The following SYT13 variants were observed in gnomAD, a reference collection of about 807,000 sequenced individuals.
The protein encoded by SYT13 is synaptotagmin 13.
In SYT13, 21 loss-of-function variants were observed where a neutral mutation model predicts 38.6. That is an observed-to-expected ratio of 0.54 (90% CI 0.39 to 0.78). The LOEUF (loss-of-function observed/expected upper bound fraction) is 0.78, where lower values mean the gene tolerates loss of function less well. Ranked by LOEUF, SYT13 falls within the 30% of genes least tolerant of loss-of-function variation. The pLI is 0.00. For missense variants in SYT13, 495 were observed against 548.7 expected, an observed-to-expected ratio of 0.90 and a Z score of 0.98; for synonymous variants, 241 against 237.6, an observed-to-expected ratio of 1.01 and a Z score of -0.13.
intron 1 of SYT13, among the ~76,000 whole-genome samples, chr11:45,285,362 T>C (rs953927546): frequency 2.0e-5 from 3 of 152,222 alleles, no homozygotes; most frequent in Non-Finnish European, 2.9e-5. Flanking sequence ...CAGAGACATC[T>C]TGGGGGAGGC....
intron 3 of SYT13, chr11:45,253,745 C>A (rs1356687735): frequency 1.3e-5 from 2 of 152,170 alleles, no homozygotes; most frequent in Non-Finnish European, 2.9e-5. Context: ...ATTTCAAATT[C>A]ATCTATGGCA....
chr11:45,261,693 C>T (rs971986336), intron 1 of SYT13, among the ~76,000 whole-genome samples: 12 of 152,008 alleles, frequency 7.9e-5, no homozygotes, highest in African/African-American at 2.9e-4. Context: ...AATCAGGTGA[C>T]TTACTTGAGG....
In SYT13 at chr11:45,244,194, C is replaced by T. The variant is rs781660259; in HGVS notation, c.1139G>A (p.Gly380Asp). Reference protein sequence around the residue: ...QASSVELEVLGQDDSGQSCAL... With the variant: ...QASSVELEVLDQDDSGQSCAL... ...ACAGCTCTGCCCTGAATCGTCCTGG[C>T]CCAGCACTTCCAGCTCCACACTGGA... The change falls in exon 6 of 6, where the codon GGC becomes GAC. Residue 380 changes from glycine (G) to aspartate (D), a missense_variant. By Grantham distance (94) the Gly-to-Asp change is moderately conservative (BLOSUM62 -1). Transcript: ENST00000020926. The T allele has an allele frequency of 1.9e-6, 3 of 1,613,998 alleles. No homozygotes were observed. The highest frequency in any genetic ancestry group is 2.5e-6 in the Non-Finnish European group (3 of 1,180,040).
rs189430580 is a variant in SYT13 at position 45,283,364 on chromosome 11, T to G, written c.183+2661A>C. Among the ~76,000 whole-genome samples, 237 of 152,270 alleles carry G rather than the reference T, an allele frequency of 1.6e-3. 1 individual carries two copies. The highest frequency in any genetic ancestry group is 5.6e-3 in the African/African-American group (231 of 41,552). The stretch of plus-strand genomic sequence containing the variant: ...TGATTACAGTCATCTAGACCCCTAT[T>G]TTCCAGCCTCCATACCTTCTTTCCT... On this transcript the variant is annotated intron_variant, in intron 1 of 5. Coordinates refer to ENST00000020926, the MANE Select transcript of SYT13 (RefSeq NM_020826.3).
chr11:45,248,718 C>T (rs1306597354), intron 4 of SYT13, among the ~76,000 whole-genome samples: 1 of 152,182 alleles, frequency 6.6e-6, no homozygotes, highest in Non-Finnish European at 1.5e-5. Flanking sequence ...CACAGGTAGC[C>T]CGGGCTATAG....
intron 5 of SYT13, among the ~76,000 whole-genome samples, chr11:45,246,158 G>A (rs1335010666): frequency 6.6e-6 from 1 of 152,196 alleles, no homozygotes; most frequent in African/African-American, 2.4e-5. Context: ...CTAATGGATG[G>A]GATTGATCCA....
intron 1 of SYT13, among the ~76,000 whole-genome samples, chr11:45,283,040 T>C (rs1418375509): frequency 2.0e-5 from 3 of 152,024 alleles, no homozygotes; most frequent in Non-Finnish European, 4.4e-5. Flanking sequence ...CCCAGCTACA[T>C]GGGAGGCTGA....
At chr11:45,246,542 A>G (rs1590506546) in intron 4 of SYT13, 30 bp from the exon 5 acceptor site, 5 of 1,611,174 alleles carry the variant, frequency 3.1e-6, no homozygotes, top group Non-Finnish European at 4.2e-6. Context: ...GCAGGAGGGG[A>G]GTCTCACCTG....
At chr11:45,283,576 A>C (rs529191470) in intron 1 of SYT13, among the ~76,000 whole-genome samples, 1 of 152,344 alleles carries the variant, frequency 6.6e-6, no homozygotes, top group African/African-American at 2.4e-5. Flanking sequence ...TCTGAGAACA[A>C]CAGCAACCAA....
intron 1 of SYT13, among the ~76,000 whole-genome samples, chr11:45,280,734 C>G (rs1855061512): frequency 6.6e-6 from 1 of 152,204 alleles, no homozygotes; most frequent in Non-Finnish European, 1.5e-5. Flanking sequence ...AGTATGCACT[C>G]CTTTGTGTCT....
chr11:45,282,587 A>G (rs982729181), intron 1 of SYT13, among the ~76,000 whole-genome samples: 7 of 152,232 alleles, frequency 4.6e-5, no homozygotes, highest in Non-Finnish European at 1.0e-4. Flanking sequence ...AAGTACCATA[A>G]TTTAGAATGA....
rs898391222 is a variant in SYT13, at chr11:45,286,254, C to T, written c.-47G>A. 45 of 1,481,006 alleles carry T rather than the reference C, an allele frequency of 3.0e-5. No individual in the cohort carries two copies. In the Admixed American group the frequency reaches 9.4e-4, roughly 31 times the overall value. 91.7% of individuals were successfully genotyped at this position (1,481,006 alleles called of 1,614,324 possible). A position where few individuals can be genotyped will look rare whatever the true frequency, so the allele number is the denominator to read the frequency against. On this transcript the variant is annotated 5_prime_UTR_variant, in exon 1 of 6. Transcript: ENST00000020926. ...GCTGGGTCCCGCAGCCGCTCACCTT[C>T]CCCGGGCCGGGCCCGCCTCCAGGCA...
chr11:45,263,047 C>T (rs1259395654), intron 1 of SYT13, among the ~76,000 whole-genome samples: 2 of 152,178 alleles, frequency 1.3e-5, no homozygotes, highest in African/African-American at 4.8e-5. Context: ...GTCCTCTCTC[C>T]TCCCAGGCCC....
intron 1 of SYT13, among the ~76,000 whole-genome samples, chr11:45,277,297 G>T (rs1855021962): frequency 6.6e-6 from 1 of 152,194 alleles, no homozygotes; most frequent in African/African-American, 2.4e-5. Context: ...TTTAGAACTA[G>T]GTGGAGGTAG....
chr11:45,255,633 C>T, intron 2 of SYT13, 33 bp downstream of exon 2: 1 of 1,597,376 alleles, frequency 6.3e-7, no homozygotes, highest in Non-Finnish European at 8.6e-7. Flanking sequence ...TGGAGTGCTG[C>T]CCATGGAAGT....
intron 1 of SYT13, among the ~76,000 whole-genome samples, chr11:45,277,094 A>G (rs1049077093): frequency 1.3e-5 from 2 of 152,346 alleles, no homozygotes; most frequent in South Asian, 2.1e-4. Flanking sequence ...GATACATTCT[A>G]TGATGTGGAT....
chr11:45,247,383 G>A (rs1019054063), intron 4 of SYT13, among the ~76,000 whole-genome samples: 3 of 152,122 alleles, frequency 2.0e-5, no homozygotes, highest in Non-Finnish European at 2.9e-5. Context: ...CCCTTCCCTC[G>A]AAATCCCAAG....
intron 1 of SYT13, among the ~76,000 whole-genome samples, chr11:45,273,229 T>A (rs568734910): frequency 6.6e-6 from 1 of 152,004 alleles, no homozygotes; most frequent in East Asian, 1.9e-4. Flanking sequence ...GCAGGAGAGG[T>A]CACTGGAAAC....
chr11:45,257,734 CA>C (rs1278629351), intron 1 of SYT13, among the ~76,000 whole-genome samples: 1 of 152,220 alleles, frequency 6.6e-6, no homozygotes, highest in African/African-American at 2.4e-5. Flanking sequence ...ACCTAGGTGA[CA>C]GGGGCATTCC....
Sources: allele counts gnomAD v4.1 joint callset (sites outside exome capture counted in the v4.1 genomes callset), GRCh38; gene constraint gnomAD v4.1.1; transcripts MANE v1.5; gene names NCBI Gene and HGNC (gene_info 2026-07-23, HGNC 2026-07-21).